Variants in MYO7A observed in about 807,000 individuals in gnomAD.
The protein encoded by MYO7A is unconventional myosin-VIIa.
A neutral mutation model predicts 263.8 loss-of-function variants in MYO7A; 210 were observed. That is an observed-to-expected ratio of 0.80 (90% CI 0.71 to 0.89). MYO7A has a LOEUF of 0.89. Ranked by LOEUF, MYO7A falls within the 40% of genes least tolerant of loss-of-function variation. The pLI is 0.00. For synonymous variants in MYO7A, 1,239 were observed against 1,197.3 expected (o/e 1.03, Z -0.72); for missense variants, 2,820 against 2,968.3 (o/e 0.95, Z 1.16).
intron 32 of MYO7A, among the ~76,000 whole-genome samples, chr11:77,195,282 C>T (rs1956558550): frequency 6.6e-6 from 1 of 152,112 alleles, no homozygotes; most frequent in African/African-American, 2.4e-5. Flanking sequence ...GCTCCCTGCG[C>T]CAGCCTGCTT....
intron 40 of MYO7A, 31 bp from the exon 41 acceptor site, chr11:77,206,066 A>G (rs1297311639): frequency 1.3e-6 from 2 of 1,553,586 alleles, no homozygotes; most frequent in Non-Finnish European, 1.8e-6. Context: ...TCCCACGCAC[A>G]TGCCCCCTGC....
At chr11:77,174,017 G>A (rs1263973485) in intron 16 of MYO7A, among the ~76,000 whole-genome samples, 1 of 151,914 alleles carries the variant, frequency 6.6e-6, no homozygotes, top group East Asian at 1.9e-4. Context: ...TGCCTCCCTT[G>A]CCTCCTGTCC....
chr11:77,190,067 CTG>C lies in MYO7A; in HGVS notation c.3681_3682del (p.Cys1227Ter). 6.3e-7 allele frequency: 1 copy of C among 1,576,546 alleles called. No individual in the cohort carries two copies. Among genetic ancestry groups the C allele is most frequent in the Non-Finnish European group, 8.6e-7 (1 of 1,161,816 alleles). On this transcript the variant is annotated frameshift_variant, in exon 29 of 49. Transcript: ENST00000409709. LOFTEE classifies it high-confidence loss of function. ...GGGGCCCGCCCGGCTACGCCCCGTACTGTGAGGAGCGCCTGAGAAGGACCTTT... is the reference window on the plus strand; with the variant it reads ...GGGGCCCGCCCGGCTACGCCCCGTACTGAGGAGCGCCTGAGAAGGACCTTT... ...HGGPPGYAPY[C>X]EERLRRTFVN... is the part of the protein sequence containing the mutation.
intron 34 of MYO7A, among the ~76,000 whole-genome samples, chr11:77,199,208 T>C (rs1956893287): frequency 6.6e-6 from 1 of 152,174 alleles, no homozygotes; most frequent in South Asian, 2.1e-4. Context: ...CAGGATGCAG[T>C]AGTGACAAGA....
chr11:77,177,783 A>G, intron 19 of MYO7A, 140 bp downstream of exon 19: 1 of 658,512 alleles, frequency 1.5e-6, no homozygotes, highest in Non-Finnish European at 2.7e-6. Flanking sequence ...CATGCATGGC[A>G]TGCACACATG....
At position 77,147,850 on chromosome 11, in the gene MYO7A, C is replaced by G; in HGVS notation, c.185C>G (p.Thr62Arg). The part of the protein sequence containing the change: ...NATHIKPMHP[T>R]SVHGVEDMIR... ...ACGCACATCAAGCCTATGCACCCCA[C>G]GTCGGTCCACGGCGTGGAGGACATG... Residue 62 changes from threonine to arginine, a missense_variant, in exon 4 of 49, where the codon ACG (threonine) becomes AGG (arginine). By Grantham distance (71) the Thr-to-Arg change is moderately conservative. Transcript: ENST00000409709. 6.2e-7 allele frequency: 1 copy of G among 1,609,236 alleles called. No homozygotes were observed. Among genetic ancestry groups the G allele is most frequent in the African/African-American group, 1.3e-5 (1 of 74,974 alleles).
In MYO7A at chr11:77,192,201, G is replaced by A. The variant is rs753672693; in HGVS notation, c.4075G>A (p.Glu1359Lys). The change falls in exon 31 of 49, where the codon GAG (glutamate) becomes AAG (lysine). Residue 1359 changes from glutamate to lysine, a missense_variant. Physicochemically the swap from Glu to Lys is moderately conservative, Grantham distance 56 (BLOSUM62 1). Transcript: ENST00000409709. ...EVFTPWHSPSEDNVATNLIYQ... is the reference protein window; with the variant it reads ...EVFTPWHSPSKDNVATNLIYQ... ...CTTCACGCCCTGGCACAGCCCCTCC[G>A]AGGACAACGTGGCCACCAACCTCAT... is the stretch of plus-strand genomic sequence containing the variant. 5 of 1,613,930 alleles carry A rather than the reference G, an allele frequency of 3.1e-6. No individual in the cohort carries two copies. Among genetic ancestry groups the A allele is most frequent in the Non-Finnish European group, 4.2e-6 (5 of 1,179,906 alleles).
At chr11:77,133,519 G>A (rs1265052581) in intron 2 of MYO7A, among the ~76,000 whole-genome samples, 1 of 152,206 alleles carries the variant, frequency 6.6e-6, no homozygotes, top group African/African-American at 2.4e-5. Flanking sequence ...GTCTGATAGT[G>A]TAGTCATCTC....
At position 77,158,278 on chromosome 11, in the gene MYO7A, G is replaced by A. The variant is rs782745630; in HGVS notation, c.851G>A (p.Gly284Asp). 1 of 1,595,494 alleles carries A rather than the reference G, an allele frequency of 6.3e-7. No individual in the cohort carries two copies. The highest frequency in any genetic ancestry group is 8.6e-7 in the Non-Finnish European group (1 of 1,167,008). Residue 284 changes from glycine (G) to aspartate (D), a missense_variant and splice_region_variant, in exon 9 of 49, where the codon GGT becomes GAT. Coordinates refer to ENST00000409709, the MANE Select transcript of MYO7A (RefSeq NM_000260.4). The part of the protein sequence containing the change: ...QASDYNYLAM[G>D]NCITCEGRVD... ...CCACTCTCCCACCCTGCCCACCAGG[G>A]TAACTGCATAACCTGTGAGGGCCGG...
In MYO7A at chr11:77,214,787, A is replaced by G; in HGVS notation, c.*91A>G. The G allele has an allele frequency of 9.0e-7, 1 of 1,109,366 alleles. No individual in the cohort carries two copies. Among genetic ancestry groups the G allele is most frequent in the East Asian group, 2.6e-5 (1 of 38,282 alleles). The allele number at this position is 1,109,366 out of a possible 1,614,324, so 68.7% of individuals were successfully genotyped here. On this transcript the variant is annotated 3_prime_UTR_variant, in exon 49 of 49. Coordinates refer to ENST00000409709, the MANE Select transcript of MYO7A (RefSeq NM_000260.4). ...CTACCCCTGCAGCTGGGGAAGACTT[A>G]TGCCATCCCGGCAGCGAGGCTGGGC... is the stretch of plus-strand genomic sequence containing the variant.
chr11:77,157,023 G>C lies in MYO7A; in HGVS notation c.735+19G>C. 6.2e-7 allele frequency: 1 copy of C among 1,609,610 alleles called. No individual in the cohort carries two copies. The highest frequency in any genetic ancestry group is 8.5e-7 in the Non-Finnish European group (1 of 1,178,218). On this transcript the variant is annotated intron_variant, in intron 7 of 48. Coordinates refer to ENST00000409709, the MANE Select transcript of MYO7A (RefSeq NM_000260.4). The stretch of plus-strand genomic sequence containing the variant: ...TCGCCAGGTGGGCCTGAGCCCCAGG[G>C]ATGCAGGAATAGACCCAGGCCCCTG...
intron 2 of MYO7A, 43 bp from the exon 3 acceptor site, chr11:77,142,666 C>A: frequency 6.5e-7 from 1 of 1,532,696 alleles, no homozygotes; most frequent in Non-Finnish European, 8.9e-7. Flanking sequence ...GGCTCCAATC[C>A]CCCTCCCTGC....
At chr11:77,165,761 T>C (rs1460192641) in intron 14 of MYO7A, among the ~76,000 whole-genome samples, 1 of 152,154 alleles carries the variant, frequency 6.6e-6, no homozygotes, top group Non-Finnish European at 1.5e-5. Context: ...AAAAGACTCA[T>C]GGTAGCTTTG....
At chr11:77,212,309 A>G in intron 46 of MYO7A, 1 of 390,154 alleles carries the variant, frequency 2.6e-6, no homozygotes, top group Middle Eastern at 3.7e-4. Context: ...GACCCTGGAA[A>G]GAGTGCTCCT....
rs1565472265 is a variant in MYO7A at position 77,204,166 on chromosome 11, C to CT, written c.5417_5418insT (p.Glu1807ArgfsTer104). The CT allele has an allele frequency of 6.3e-7, 1 of 1,591,670 alleles. No individual in the cohort carries two copies. On this transcript the variant is annotated frameshift_variant, in exon 39 of 49. Coordinates refer to ENST00000409709, the MANE Select transcript of MYO7A (RefSeq NM_000260.4). LOFTEE classifies it high-confidence loss of function. ...CAGATCTTTGAGGGTCCCCTGAAAG[C>CT]CGAGCCCCTGAAGGACGAGGCATAT...
chr11:77,211,318 C>G lies in MYO7A; in HGVS notation c.6218C>G (p.Ser2073Ter). Residue 2073 changes from serine (S) to a stop codon, truncating the protein, a stop_gained, in exon 45 of 49, where the codon TCA becomes TGA. Transcript: ENST00000409709. LOFTEE classifies it high-confidence loss of function. ...LVPQDLIRQV[S>*]PDDWKRSIVA... is the part of the protein sequence containing the mutation. ...CCCCAGGACCTTATCCGGCAGGTCT[C>G]ACCTGATGACTGGAAGCGGGTGAGC... The G allele has an allele frequency of 6.3e-7, 1 of 1,582,608 alleles. No homozygotes were observed. Among genetic ancestry groups the G allele is most frequent in the Non-Finnish European group, 8.6e-7 (1 of 1,164,696 alleles).
intron 26 of MYO7A, 110 bp from the exon 27 acceptor site, chr11:77,184,478 C>T: frequency 2.2e-6 from 2 of 901,940 alleles, no homozygotes; most frequent in Non-Finnish European, 3.4e-6. Context: ...TTCTTCTGCT[C>T]ACTCCTTAGA....
chr11:77,202,936 G>C, intron 37 of MYO7A, 124 bp from the exon 38 acceptor site: 1 of 1,229,698 alleles, frequency 8.1e-7, no homozygotes, highest in South Asian at 1.5e-5. Context: ...GAAGAGCAGG[G>C]CCTGGTGCCC....
At chr11:77,156,570 A>T in intron 5 of MYO7A, 90 bp from the exon 6 acceptor site, 1 of 1,558,066 alleles carries the variant, frequency 6.4e-7, no homozygotes, top group Non-Finnish European at 8.8e-7. Context: ...CAGATGGGGG[A>T]GCTGGTGGAT....
Sources: allele counts gnomAD v4.1 joint callset (sites outside exome capture counted in the v4.1 genomes callset), GRCh38; gene constraint gnomAD v4.1.1; transcripts MANE v1.5; gene names NCBI Gene and HGNC (gene_info 2026-07-23, HGNC 2026-07-21).